SLC25A16: variants seen among roughly 807,000 people sequenced by gnomAD.
The protein encoded by SLC25A16 is solute carrier family 25 member 16.
A neutral mutation model predicts 41.5 loss-of-function variants in SLC25A16; 39 were observed. The observed-to-expected ratio is 0.94, with a 90% CI of 0.73 to 1.23. SLC25A16 has a LOEUF of 1.23. Ranked by LOEUF, SLC25A16 falls within the 50% of genes most tolerant of loss-of-function variation. The pLI, the probability that SLC25A16 is intolerant of heterozygous loss-of-function variation, is 0.00. For missense variants in SLC25A16, 421 were observed against 426.9 expected (o/e 0.99, Z 0.12); for synonymous variants, 146 against 147.8 (o/e 0.99, Z 0.09).
At chr10:68,495,634 A>G (rs1321537258) in intron 4 of SLC25A16, among the ~76,000 whole-genome samples, 1 of 151,362 alleles carries the variant, frequency 6.6e-6, no homozygotes, top group Non-Finnish European at 1.5e-5. Context: ...AAACACAAAA[A>G]TTAGCCAGGC....
At chr10:68,508,156 G>A (rs937428653) in intron 2 of SLC25A16, among the ~76,000 whole-genome samples, 1 of 152,040 alleles carries the variant, frequency 6.6e-6, no homozygotes, top group African/African-American at 2.4e-5. Flanking sequence ...AGGTTGCAGT[G>A]AGCCGAGATT....
intron 1 of SLC25A16, among the ~76,000 whole-genome samples, chr10:68,518,674 T>C (rs756490551): frequency 1.5e-4 from 22 of 151,352 alleles, no homozygotes; most frequent in Non-Finnish European, 2.4e-4. Flanking sequence ...CTTGGGAGGC[T>C]GAGGCAGAAG....
chr10:68,525,813 G>A (rs1430597077), intron 1 of SLC25A16, among the ~76,000 whole-genome samples: 3 of 152,108 alleles, frequency 2.0e-5, no homozygotes, highest in Admixed American at 6.6e-5. Context: ...CCCCAACCCC[G>A]TGCTCTCTGA....
chr10:68,496,213 T>C (rs936177580), intron 4 of SLC25A16, among the ~76,000 whole-genome samples: 4 of 152,178 alleles, frequency 2.6e-5, no homozygotes, highest in Non-Finnish European at 4.4e-5. Context: ...AAGAGGAATA[T>C]GTAACAACGT....
intron 3 of SLC25A16, among the ~76,000 whole-genome samples, chr10:68,505,095 T>A (rs2052929310): frequency 6.6e-6 from 1 of 152,182 alleles, no homozygotes; most frequent in African/African-American, 2.4e-5. Context: ...GCCCAGGAGT[T>A]CGAGACTAGC....
rs2052466286 is a variant in SLC25A16, at chr10:68,479,884, T to C, written c.*3548A>G. 6.7e-6 allele frequency: 1 copy of C among 148,584 alleles called. No homozygotes were observed. The highest frequency in any genetic ancestry group is 6.7e-5 in the Admixed American group (1 of 14,896). 9.2% of individuals were successfully genotyped at this position (148,584 alleles called of 1,614,324 possible). On this transcript the variant is annotated 3_prime_UTR_variant, in exon 9 of 9. Transcript: ENST00000609923. ...AAACTCAGCTGGGCATGGTAGCACA[T>C]AGCTGTAATCCCAGTTACTTGGAAA...
At chr10:68,512,939 T>C (rs1187804602) in intron 2 of SLC25A16, among the ~76,000 whole-genome samples, 2 of 152,134 alleles carry the variant, frequency 1.3e-5, no homozygotes, top group African/African-American at 4.8e-5. Context: ...CTAGGGAGGC[T>C]GAGGCAGGAG....
intron 2 of SLC25A16, 100 bp downstream of exon 2, chr10:68,516,651 C>A: frequency 1.4e-6 from 1 of 726,508 alleles, no homozygotes; most frequent in Non-Finnish European, 2.2e-6. Flanking sequence ...TAAAGAGGAA[C>A]CTCTACTTTA....
intron 8 of SLC25A16, among the ~76,000 whole-genome samples, chr10:68,485,675 G>A (rs1369761356): frequency 5.9e-5 from 9 of 151,748 alleles, no homozygotes; most frequent in Admixed American, 1.3e-4. Context: ...GAGCCACTGC[G>A]ACAGGCCTTT....
rs1270593259 is a variant in SLC25A16, at chr10:68,527,502, GC to G, written c.-128del. ...GCGGGGCAAAGTAACACCCGGCGGC[GC>G]GGCGCCGGCTGATGGCGTACAGCAA... On this transcript the variant is annotated 5_prime_UTR_variant, in exon 1 of 9. Transcript: ENST00000609923. The G allele has an allele frequency of 2.3e-6, 2 of 888,782 alleles. No individual in the cohort carries two copies. The highest frequency in any genetic ancestry group is 7.2e-5 in the Admixed American group (2 of 27,906). The allele number at this position is 888,782 out of a possible 1,614,324, so 55.1% of individuals were successfully genotyped here.
intron 6 of SLC25A16, among the ~76,000 whole-genome samples, chr10:68,491,969 C>T (rs767801828): frequency 7.2e-5 from 11 of 152,106 alleles, no homozygotes; most frequent in Non-Finnish European, 1.3e-4. Flanking sequence ...GCTGGGATTA[C>T]AGGCACACGC....
chr10:68,478,102 A>G lies in SLC25A16; in HGVS notation c.*5330T>C, dbSNP rs192835505. On this transcript the variant is annotated 3_prime_UTR_variant, in exon 9 of 9. Coordinates refer to ENST00000609923, the MANE Select transcript of SLC25A16 (RefSeq NM_152707.4). ...GTATTAAAGTATAGCATCATAGCTA[A>G]AAGAATAGGCTCTAGATTCAGACCG... is the stretch of plus-strand genomic sequence containing the variant. 2.0e-5 allele frequency: 3 copies of G among 152,348 alleles called. No homozygotes were observed. The highest frequency in any genetic ancestry group is 7.2e-5 in the African/African-American group (3 of 41,596). The allele number at this position is 152,348 out of a possible 1,614,324, so 9.4% of individuals were successfully genotyped here. A position where few individuals can be genotyped will look rare whatever the true frequency, so the allele number is the denominator to read the frequency against.
rs1249571354 is a variant in SLC25A16, at chr10:68,487,207, G to A, written c.779C>T (p.Pro260Leu). 2 of 1,613,068 alleles carry A rather than the reference G, an allele frequency of 1.2e-6. No homozygotes were observed. The highest frequency in any genetic ancestry group is 1.7e-5 in the Admixed American group (1 of 59,934). Residue 260 changes from proline to leucine, a missense_variant, in exon 8 of 9, where the codon CCA (proline) becomes CTA (leucine). Coordinates refer to ENST00000609923, the MANE Select transcript of SLC25A16 (RefSeq NM_152707.4). ...AGAIAQTISYPFDVTRRRMQL... is the reference protein window; with the variant it reads ...AGAIAQTISYLFDVTRRRMQL... Reference sequence around the variant, plus strand: ...CATTCGCCGACGAGTCACATCAAATGGGTAGCTAAAAGAAGAAAAAGGCAT... The same window carrying A: ...CATTCGCCGACGAGTCACATCAAATAGGTAGCTAAAAGAAGAAAAAGGCAT...
chr10:68,512,265 A>G (rs2053076473), intron 2 of SLC25A16, among the ~76,000 whole-genome samples: 1 of 152,136 alleles, frequency 6.6e-6, no homozygotes. Context: ...TGTCTCTCCA[A>G]ATATTTAAGA....
At chr10:68,493,764 A>T (rs2052702395) in intron 4 of SLC25A16, among the ~76,000 whole-genome samples, 194 bp from the exon 5 acceptor site, 1 of 152,228 alleles carries the variant, frequency 6.6e-6, no homozygotes, top group Non-Finnish European at 1.5e-5. Flanking sequence ...TTTGTAAAAA[A>T]TGTTTTCAAG....
At position 68,478,117 on chromosome 10, in the gene SLC25A16, G is replaced by A. The variant is rs1483085481; in HGVS notation, c.*5315C>T. On this transcript the variant is annotated 3_prime_UTR_variant, in exon 9 of 9. Coordinates refer to ENST00000609923, the MANE Select transcript of SLC25A16 (RefSeq NM_152707.4). The stretch of plus-strand genomic sequence containing the variant: ...ATCATAGCTAAAAGAATAGGCTCTA[G>A]ATTCAGACCGGCTGAATTTGAATCC... The A allele has an allele frequency of 2.0e-5, 3 of 152,128 alleles. No homozygotes were observed. The highest frequency in any genetic ancestry group is 2.9e-5 in the Non-Finnish European group (2 of 68,024). The allele number at this position is 152,128 out of a possible 1,614,324, so 9.4% of individuals were successfully genotyped here.
intron 8 of SLC25A16, among the ~76,000 whole-genome samples, chr10:68,486,580 G>T (rs1262382814): frequency 6.6e-6 from 1 of 151,480 alleles, no homozygotes; most frequent in Non-Finnish European, 1.5e-5. Context: ...CATCATGTTG[G>T]CCAGGCTGGT....
chr10:68,510,001 C>G, intron 2 of SLC25A16, among the ~76,000 whole-genome samples: 1 of 151,648 alleles, frequency 6.6e-6, no homozygotes, highest in Non-Finnish European at 1.5e-5. Flanking sequence ...CGCTTGAAAC[C>G]AGGAGGCAGA....
intron 2 of SLC25A16, among the ~76,000 whole-genome samples, chr10:68,513,156 G>C (rs775135566): frequency 6.6e-5 from 10 of 151,336 alleles, no homozygotes; most frequent in Non-Finnish European, 1.0e-4. Context: ...GACCAGCCTA[G>C]GGAACAAGTG....
Sources: gnomAD v4.1 joint callset for allele counts (sites outside exome capture counted in the v4.1 genomes callset) on GRCh38, gnomAD v4.1.1 for gene constraint, MANE v1.5 for transcripts, NCBI Gene and HGNC (gene_info 2026-07-23, HGNC 2026-07-21) for gene names.